The following PRKCA variants were observed in gnomAD, a reference collection of about 807,000 sequenced individuals.
PRKCA encodes the protein protein kinase C alpha type.
A neutral mutation model predicts 87.0 loss-of-function variants in PRKCA; 27 were observed. The observed-to-expected ratio is 0.31, with a 90% CI of 0.23 to 0.43. PRKCA has a LOEUF of 0.43. Ranked by LOEUF, PRKCA falls within the 20% of genes least tolerant of loss-of-function variation. The pLI, the probability that PRKCA is intolerant of heterozygous loss-of-function variation, is 1.00. For missense variants in PRKCA, 518 were observed against 852.3 expected, an observed-to-expected ratio of 0.61 and a Z score of 4.88; for synonymous variants, 329 against 311.1, an observed-to-expected ratio of 1.06 and a Z score of -0.61.
intron 16 of PRKCA, among the ~76,000 whole-genome samples, chr17:66,794,395 C>T (rs79250813): frequency 0.018 from 2,764 of 151,974 alleles, 38 homozygotes; most frequent in Non-Finnish European, 0.029. Flanking sequence ...TTTCCCAGTG[C>T]CATTAGCTTG....
chr17:66,356,097 C>T (rs1217656051), intron 2 of PRKCA, among the ~76,000 whole-genome samples: 2 of 151,980 alleles, frequency 1.3e-5, no homozygotes, highest in South Asian at 4.2e-4. Flanking sequence ...TGGGGTTTTG[C>T]CATGTTGGCC....
intron 2 of PRKCA, among the ~76,000 whole-genome samples, chr17:66,318,649 G>C (rs1382202042): frequency 6.6e-6 from 1 of 152,174 alleles, no homozygotes; most frequent in Non-Finnish European, 1.5e-5. Flanking sequence ...GAGGTCGGTA[G>C]TTTGAGACTA....
chr17:66,459,669 G>A (rs1013575786), intron 2 of PRKCA, among the ~76,000 whole-genome samples: 1 of 152,088 alleles, frequency 6.6e-6, no homozygotes, highest in African/African-American at 2.4e-5. Flanking sequence ...GAGACCCATG[G>A]TTGCACACTG....
intron 3 of PRKCA, among the ~76,000 whole-genome samples, chr17:66,569,417 A>C (rs1461107622): frequency 1.3e-5 from 2 of 152,160 alleles, no homozygotes; most frequent in Non-Finnish European, 2.9e-5. Flanking sequence ...AAAAATACAA[A>C]AATTAGCCAG....
intron 3 of PRKCA, among the ~76,000 whole-genome samples, chr17:66,565,685 C>G (rs901279463): frequency 4.6e-5 from 7 of 151,784 alleles, no homozygotes; most frequent in Non-Finnish European, 1.0e-4. Context: ...AAGGCTGATG[C>G]TGAGAGATAT....
intron 2 of PRKCA, among the ~76,000 whole-genome samples, chr17:66,471,718 G>A (rs1377080698): frequency 6.6e-6 from 1 of 150,376 alleles, no homozygotes; most frequent in Non-Finnish European, 1.5e-5. Context: ...GGGCTGAAGA[G>A]TGAGAAATGA....
At chr17:66,679,552 C>T (rs1198821652) in intron 5 of PRKCA, among the ~76,000 whole-genome samples, 1 of 152,248 alleles carries the variant, frequency 6.6e-6, no homozygotes, top group Non-Finnish European at 1.5e-5. Context: ...AAAGCACAGA[C>T]ATAGCTGTGC....
intron 3 of PRKCA, among the ~76,000 whole-genome samples, chr17:66,592,505 TC>T (rs142474596): frequency 0.02 from 3,103 of 152,260 alleles, 119 homozygotes; most frequent in African/African-American, 0.07. Context: ...ATGTAAAACT[TC>T]CTCCTTTGTT....
intron 2 of PRKCA, among the ~76,000 whole-genome samples, chr17:66,323,163 G>A (rs1199194199): frequency 2.6e-5 from 4 of 152,010 alleles, no homozygotes; most frequent in South Asian, 4.2e-4. Flanking sequence ...ATTTATCTGG[G>A]GGAGTACCTG....
intron 3 of PRKCA, among the ~76,000 whole-genome samples, chr17:66,573,347 C>T (rs1348712423): frequency 6.6e-6 from 1 of 152,132 alleles, no homozygotes; most frequent in African/African-American, 2.4e-5. Flanking sequence ...CTATGAGCAA[C>T]AGATAGAGGC....
chr17:66,390,371 A>G (rs923183844), intron 2 of PRKCA, among the ~76,000 whole-genome samples: 1 of 152,238 alleles, frequency 6.6e-6, no homozygotes, highest in East Asian at 1.9e-4. Context: ...TAATATTGAG[A>G]AGAAAAATAT....
chr17:66,640,448 A>C (rs1351698031), intron 3 of PRKCA, among the ~76,000 whole-genome samples: 1 of 152,218 alleles, frequency 6.6e-6, no homozygotes, highest in Non-Finnish European at 1.5e-5. Context: ...GCAGTGGGCT[A>C]TGGGGAGGCG....
At chr17:66,491,390 G>C (rs1388123752) in intron 2 of PRKCA, among the ~76,000 whole-genome samples, 6 of 152,298 alleles carry the variant, frequency 3.9e-5, no homozygotes, top group Non-Finnish European at 8.8e-5. Context: ...ACTTGTTTAA[G>C]GGCCAAGGGG....
At chr17:66,517,964 T>C (rs1051806334) in intron 3 of PRKCA, among the ~76,000 whole-genome samples, 2 of 152,168 alleles carry the variant, frequency 1.3e-5, no homozygotes, top group East Asian at 3.9e-4. Context: ...CTTTTGCTTA[T>C]TGAAATAGAA....
At chr17:66,508,324 C>A (rs1291562084) in intron 3 of PRKCA, among the ~76,000 whole-genome samples, 2 of 152,090 alleles carry the variant, frequency 1.3e-5, no homozygotes, top group Non-Finnish European at 2.9e-5. Context: ...AATGATAAAC[C>A]AAGGGGAAAA....
intron 2 of PRKCA, among the ~76,000 whole-genome samples, chr17:66,309,383 G>A (rs942236598): frequency 6.6e-6 from 1 of 152,110 alleles, no homozygotes; most frequent in Non-Finnish European, 1.5e-5. Context: ...CTTGGGGAAG[G>A]GAAGGGCGTT....
At position 66,656,401 on chromosome 17, in the gene PRKCA, C is replaced by T. The variant is rs140250356; in HGVS notation, c.529+10890C>T. 6.3e-4 allele frequency among the ~76,000 whole-genome samples: 96 copies of T among 152,254 alleles called. No homozygotes were observed. In the East Asian group the frequency reaches 0.016, roughly 25 times the overall value. ...TTTCTGGGGCCTCTTTCAAGATTAC[C>T]CCATTAGCATACAGAGACATTGATA... On this transcript the variant is annotated intron_variant, in intron 5 of 16. Coordinates refer to ENST00000413366, the MANE Select transcript of PRKCA (RefSeq NM_002737.3).
At chr17:66,390,701 A>G (rs1000489624) in intron 2 of PRKCA, among the ~76,000 whole-genome samples, 2 of 152,200 alleles carry the variant, frequency 1.3e-5, no homozygotes, top group Non-Finnish European at 2.9e-5. Context: ...GGGGTGCACA[A>G]AAGGAGCTTC....
At chr17:66,362,081 G>C (rs1326662512) in intron 2 of PRKCA, among the ~76,000 whole-genome samples, 1 of 151,916 alleles carries the variant, frequency 6.6e-6, no homozygotes, top group Non-Finnish European at 1.5e-5. Context: ...TGTTGCCCAG[G>C]CCAGAGTGCA....
Sources: gnomAD v4.1 joint callset for allele counts (sites outside exome capture counted in the v4.1 genomes callset) on GRCh38, gnomAD v4.1.1 for gene constraint, MANE v1.5 for transcripts, NCBI Gene and HGNC (gene_info 2026-07-23, HGNC 2026-07-21) for gene names.